Variants in SEMA5A observed in about 807,000 individuals in gnomAD.
SEMA5A encodes semaphorin-5A.
SEMA5A carries 55 observed loss-of-function variants against 135.5 expected under a neutral mutation model. The observed-to-expected ratio is 0.41, with a 90% confidence interval of 0.33 to 0.51. SEMA5A has a LOEUF of 0.51. SEMA5A is among the 20% of genes least tolerant of loss of function. The pLI, the probability that SEMA5A is intolerant of heterozygous loss-of-function variation, is 0.37. For missense variants in SEMA5A, 1,290 were observed against 1,419.9 expected (o/e 0.91, Z 1.47); for synonymous variants, 580 against 546.5 (o/e 1.06, Z -0.85).
At chr5:9,525,161 T>C (rs1342286133) in intron 1 of SEMA5A, among the ~76,000 whole-genome samples, 4 of 152,242 alleles carry the variant, frequency 2.6e-5, no homozygotes, top group Admixed American at 1.3e-4. Context: ...TAAAGTTTCA[T>C]TGGAACACAG....
intron 1 of SEMA5A, among the ~76,000 whole-genome samples, chr5:9,469,636 G>A (rs1759402161): frequency 6.6e-6 from 1 of 152,132 alleles, no homozygotes; most frequent in Non-Finnish European, 1.5e-5. Flanking sequence ...CATCCCACTG[G>A]GATATCAATG....
intron 5 of SEMA5A, among the ~76,000 whole-genome samples, chr5:9,244,737 C>T (rs989974473): frequency 1.1e-4 from 16 of 152,186 alleles, no homozygotes; most frequent in Non-Finnish European, 2.4e-4. Flanking sequence ...CCTTGGAAGT[C>T]GCTCAGGTGT....
chr5:9,418,458 TA>T (rs1230513371), intron 2 of SEMA5A, among the ~76,000 whole-genome samples: 1 of 152,104 alleles, frequency 6.6e-6, no homozygotes, highest in Non-Finnish European at 1.5e-5. Flanking sequence ...CAGAGCAAAA[TA>T]AAGGCAAATA....
At chr5:9,290,195 C>T (rs1751010626) in intron 5 of SEMA5A, among the ~76,000 whole-genome samples, 1 of 152,118 alleles carries the variant, frequency 6.6e-6, no homozygotes, top group Admixed American at 6.6e-5. Flanking sequence ...TCTTTTATCC[C>T]TCACCCCCTC....
intron 2 of SEMA5A, among the ~76,000 whole-genome samples, chr5:9,388,533 C>A (rs1755999269): frequency 6.6e-6 from 1 of 151,436 alleles, no homozygotes; most frequent in Non-Finnish European, 1.5e-5. Context: ...AATGTAACTA[C>A]CTTGGCAATT....
At chr5:9,111,661 C>G (rs1420286219) in intron 15 of SEMA5A, among the ~76,000 whole-genome samples, 2 of 152,152 alleles carry the variant, frequency 1.3e-5, no homozygotes, top group Non-Finnish European at 2.9e-5. Context: ...GAAATTGCAG[C>G]CTCCCCATTG....
chr5:9,052,066 C>T lies in SEMA5A; in HGVS notation c.2690-38G>A, dbSNP rs773548424. 2.6e-6 allele frequency: 4 copies of T among 1,521,796 alleles called. No homozygotes were observed. In the East Asian group the frequency reaches 9.3e-5, roughly 35 times the overall value. 94.3% of individuals were successfully genotyped at this position (1,521,796 alleles called of 1,614,324 possible). A position where few individuals can be genotyped will look rare whatever the true frequency, so the allele number is the denominator to read the frequency against. ...GAAAAGGGGAGATGGGGCGGAATGG[C>T]CAGTAAGCTCAATCATCCTAGACTC... On this transcript the variant is annotated intron_variant, in intron 19 of 22. Coordinates refer to ENST00000382496, the MANE Select transcript of SEMA5A (RefSeq NM_003966.3).
At chr5:9,067,772 G>GC (rs1737556389) in intron 16 of SEMA5A, among the ~76,000 whole-genome samples, 1 of 151,776 alleles carries the variant, frequency 6.6e-6, no homozygotes, top group Non-Finnish European at 1.5e-5. Context: ...CCCTTTTCTT[G>GC]CTGCATCTCT....
intron 15 of SEMA5A, among the ~76,000 whole-genome samples, chr5:9,118,350 T>C (rs1364169263): frequency 6.6e-6 from 1 of 152,216 alleles, no homozygotes; most frequent in Non-Finnish European, 1.5e-5. Flanking sequence ...GCAAAACAGA[T>C]TCAATGATTA....
At chr5:9,512,617 T>C (rs1345588881) in intron 1 of SEMA5A, among the ~76,000 whole-genome samples, 2 of 152,176 alleles carry the variant, frequency 1.3e-5, no homozygotes, top group African/African-American at 2.4e-5. Flanking sequence ...AACATTAATG[T>C]TCAATTCTGC....
chr5:9,077,004 T>C (rs1738103067), intron 16 of SEMA5A, among the ~76,000 whole-genome samples: 1 of 152,120 alleles, frequency 6.6e-6, no homozygotes, highest in African/African-American at 2.4e-5. Flanking sequence ...CACAGGCCTT[T>C]GAACATGAGG....
At chr5:9,177,288 G>T (rs1019669624) in intron 11 of SEMA5A, among the ~76,000 whole-genome samples, 2 of 152,160 alleles carry the variant, frequency 1.3e-5, no homozygotes, top group African/African-American at 2.4e-5. Flanking sequence ...TGACTTCAGG[G>T]TGCAGGTTAC....
At chr5:9,368,930 A>T (rs909716135) in intron 3 of SEMA5A, among the ~76,000 whole-genome samples, 29 of 152,152 alleles carry the variant, frequency 1.9e-4, no homozygotes, top group Non-Finnish European at 3.4e-4. Context: ...ATTTTCTGGG[A>T]CTTATTGTAA....
chr5:9,532,440 C>CTT (rs4045370), intron 1 of SEMA5A, among the ~76,000 whole-genome samples: 5 of 125,144 alleles, frequency 4.0e-5, no homozygotes, highest in South Asian at 2.6e-4. Flanking sequence ...TAATTTTTTT[C>CTT]TTTTTTTTTT....
At chr5:9,495,655 G>A (rs946973846) in intron 1 of SEMA5A, among the ~76,000 whole-genome samples, 3 of 152,202 alleles carry the variant, frequency 2.0e-5, no homozygotes, top group Non-Finnish European at 4.4e-5. Flanking sequence ...AGCAGGATGC[G>A]TCCACAGGAG....
chr5:9,198,674 G>A (rs148013605), intron 9 of SEMA5A, among the ~76,000 whole-genome samples: 1 of 152,324 alleles, frequency 6.6e-6, no homozygotes, highest in African/African-American at 2.4e-5. Context: ...GCGAACACCA[G>A]CTATGGGTTT....
chr5:9,312,532 G>GA (rs1451033993), intron 5 of SEMA5A, among the ~76,000 whole-genome samples: 1 of 152,022 alleles, frequency 6.6e-6, no homozygotes, highest in Non-Finnish European at 1.5e-5. Flanking sequence ...ATACCTGTCT[G>GA]AAAATCATAA....
intron 1 of SEMA5A, among the ~76,000 whole-genome samples, chr5:9,520,810 G>A (rs556766739): frequency 6.6e-6 from 1 of 152,216 alleles, no homozygotes; most frequent in South Asian, 2.1e-4. Flanking sequence ...AACCATCAAG[G>A]TCATCCAAAA....
chr5:9,065,652 T>C (rs1579329333), intron 17 of SEMA5A, among the ~76,000 whole-genome samples: 1 of 152,250 alleles, frequency 6.6e-6, no homozygotes. Flanking sequence ...TTTCCTTTTC[T>C]GTTGGTATCT....
Sources: gnomAD v4.1 joint callset for allele counts (sites outside exome capture counted in the v4.1 genomes callset) on GRCh38, gnomAD v4.1.1 for gene constraint, MANE v1.5 for transcripts, NCBI Gene and HGNC (gene_info 2026-07-23, HGNC 2026-07-21) for gene names.